Variants in SCN9A observed in about 807,000 individuals in gnomAD.
SCN9A encodes sodium channel protein type 9 subunit alpha.
Under a neutral mutation model 187.0 loss-of-function variants are expected in SCN9A, and 131 were observed. That is an observed-to-expected ratio of 0.70 (90% confidence interval 0.61 to 0.81). SCN9A has a LOEUF of 0.81. Among genes scored for constraint, SCN9A ranks in the 30% least tolerant of loss-of-function variants. The probability of loss-of-function intolerance (pLI) is 0.00; values close to 1 mark genes in which losing one functional copy is unlikely to be tolerated. For missense variants in SCN9A, 2,252 were observed against 2,396.6 expected (o/e 0.94, Z 1.26); for synonymous variants, 809 against 808.6 (o/e 1.00, Z -0.01).
At chr2:166,221,759 G>A (rs1008900059) in intron 24 of SCN9A, among the ~76,000 whole-genome samples, 1 of 151,874 alleles carries the variant, frequency 6.6e-6, no homozygotes, top group African/African-American at 2.4e-5. Context: ...GTATGGTCCT[G>A]GCATAAAACA....
At position 166,330,856 on chromosome 2, in the gene SCN9A, G is replaced by A. The variant is rs190082049; in HGVS notation, c.-50-19050C>T. The stretch of plus-strand genomic sequence containing the variant: ...TGGGCTGCTGCTCACCTCCTGCTGT[G>A]CAGCCTGGTTCCTAACAGGCCATGG... On this transcript the variant is annotated intron_variant, in intron 1 of 26. Transcript: ENST00000642356. 3.0e-3 allele frequency among the ~76,000 whole-genome samples: 453 copies of A among 152,242 alleles called. 1 individual carries two copies. The highest frequency in any genetic ancestry group is 0.01 in the Middle Eastern group (3 of 294).
intron 26 of SCN9A, among the ~76,000 whole-genome samples, chr2:166,203,569 T>C (rs1431951846): frequency 6.6e-6 from 1 of 151,948 alleles, no homozygotes; most frequent in East Asian, 1.9e-4. Flanking sequence ...ATTCTGGCTA[T>C]TAATATTATC....
chr2:166,263,026 G>C (rs1696578918), intron 17 of SCN9A, among the ~76,000 whole-genome samples: 2 of 151,860 alleles, frequency 1.3e-5, no homozygotes, highest in South Asian at 4.2e-4. Context: ...ATCCCTCTTT[G>C]GGCCTTATCG....
rs1694967698 is a variant in SCN9A, at chr2:166,228,960, C to T, written c.3937G>A (p.Ala1313Thr). 2 of 1,612,194 alleles carry T rather than the reference C, an allele frequency of 1.2e-6. No individual in the cohort carries two copies. Among genetic ancestry groups the T allele is most frequent in the Non-Finnish European group, 1.7e-6 (2 of 1,178,496 alleles). ...ATGGAAGGAATTGCTCCTATGAGTG[C>T]ATTCACAACGACCTAGTATTCAAAA... The part of the protein sequence containing the change: ...RFEGMRVVVN[A>T]LIGAIPSIMN... The change falls in exon 22 of 27, where the codon GCA becomes ACA. Residue 1313 changes from alanine to threonine, a missense_variant. By Grantham distance (58) the Ala-to-Thr change is moderately conservative (BLOSUM62 0). Transcript: ENST00000642356.
At chr2:166,246,595 A>G (rs1695800781) in intron 18 of SCN9A, among the ~76,000 whole-genome samples, 1 of 152,084 alleles carries the variant, frequency 6.6e-6, no homozygotes, top group Non-Finnish European at 1.5e-5. Flanking sequence ...ATATTAACTT[A>G]GTGCTTTAGA....
intron 1 of SCN9A, among the ~76,000 whole-genome samples, chr2:166,315,167 C>T (rs1699078249): frequency 6.6e-6 from 1 of 152,164 alleles, no homozygotes; most frequent in Non-Finnish European, 1.5e-5. Context: ...GACGGGATAA[C>T]TTGCCTCACT....
At chr2:166,293,003 G>A (rs759546847) in intron 9 of SCN9A, among the ~76,000 whole-genome samples, 1 of 152,020 alleles carries the variant, frequency 6.6e-6, no homozygotes, top group African/African-American at 2.4e-5. Context: ...TCAGGAAGGC[G>A]AGAGATCTAG....
rs540881534 is a variant in SCN9A at position 166,301,240 on chromosome 2, T to C, written c.901+1850A>G. ...CATAGAGAATTGCAATCTAACTTCA[T>C]ATGTAAACAAATTGCATTCTAATCT... is the stretch of plus-strand genomic sequence containing the variant. On this transcript the variant is annotated intron_variant, in intron 7 of 26. Transcript: ENST00000642356. 1.3e-4 allele frequency: 20 copies of C among 150,898 alleles called. 2 individuals are homozygous for C. The highest frequency in any genetic ancestry group is 4.7e-4 in the African/African-American group (19 of 40,252). The allele number at this position is 150,898 out of a possible 1,614,324, so 9.3% of individuals were successfully genotyped here. A position where few individuals can be genotyped will look rare whatever the true frequency, so the allele number is the denominator to read the frequency against.
chr2:166,322,960 T>A (rs887550666), intron 1 of SCN9A, among the ~76,000 whole-genome samples: 3 of 152,144 alleles, frequency 2.0e-5, no homozygotes, highest in African/African-American at 4.8e-5. Context: ...TACAAGAGTA[T>A]CCCTAGAATG....
chr2:166,362,402 CTGT>C (rs1047064168), intron 1 of SCN9A, among the ~76,000 whole-genome samples: 2 of 151,908 alleles, frequency 1.3e-5, no homozygotes, highest in South Asian at 2.1e-4. Context: ...CATTCTCTTT[CTGT>C]TGTTGTTGTT....
chr2:166,294,428 T>C (rs1698213360), intron 8 of SCN9A, 171 bp downstream of exon 8: 1 of 511,464 alleles, frequency 2.0e-6, no homozygotes, highest in Admixed American at 3.4e-5. Context: ...AGAGTATGCA[T>C]TAACTGTGAA....
At chr2:166,257,119 C>G (rs993004377) in intron 17 of SCN9A, among the ~76,000 whole-genome samples, 1 of 151,578 alleles carries the variant, frequency 6.6e-6, no homozygotes, top group African/African-American at 2.4e-5. Flanking sequence ...TGCTCTGTCA[C>G]AGAACTGCTA....
intron 24 of SCN9A, among the ~76,000 whole-genome samples, chr2:166,217,755 T>C (rs866703511): frequency 6.6e-6 from 1 of 152,178 alleles, no homozygotes; most frequent in East Asian, 1.9e-4. Flanking sequence ...CCCTTATACA[T>C]TGTTAGTGAA....
intron 9 of SCN9A, among the ~76,000 whole-genome samples, chr2:166,292,707 G>A (rs4522621): frequency 0.079 from 12,083 of 152,118 alleles, 597 homozygotes; most frequent in Admixed American, 0.16. Flanking sequence ...ATTACCACTT[G>A]CAATACAAGA....
chr2:166,294,036 G>A (rs959265526), intron 8 of SCN9A, among the ~76,000 whole-genome samples: 1 of 152,178 alleles, frequency 6.6e-6, no homozygotes, highest in Non-Finnish European at 1.5e-5. Flanking sequence ...AGGGGGAAAA[G>A]CAAGAGCTTA....
intron 1 of SCN9A, among the ~76,000 whole-genome samples, chr2:166,339,987 T>C (rs1293183673): frequency 1.3e-5 from 2 of 152,126 alleles, no homozygotes; most frequent in African/African-American, 4.8e-5. Flanking sequence ...CCTATTTCAC[T>C]GGTGAGGAAG....
Position 166,233,336 on chromosome 2 carries a change from T to G in SCN9A, c.3924+4A>C. 6.6e-7 allele frequency: 1 copy of G among 1,523,970 alleles called. No homozygotes were observed. Among genetic ancestry groups the G allele is most frequent in the Non-Finnish European group, 8.7e-7 (1 of 1,143,548 alleles). The allele number at this position is 1,523,970 out of a possible 1,614,324, so 94.4% of individuals were successfully genotyped here. A position where few individuals can be genotyped will look rare whatever the true frequency, so the allele number is the denominator to read the frequency against. Reference sequence around the variant, plus strand: ...GAACATTATAAAGTTTAGTATTTTCTTACCCTCATTCCTTCAAATCTAGAT... The same window carrying G: ...GAACATTATAAAGTTTAGTATTTTCGTACCCTCATTCCTTCAAATCTAGAT... On this transcript the variant is annotated splice_donor_region_variant and intron_variant, in intron 21 of 26. Coordinates refer to ENST00000642356, the MANE Select transcript of SCN9A (RefSeq NM_001365536.1).
chr2:166,359,141 T>G (rs1700220884), intron 1 of SCN9A, among the ~76,000 whole-genome samples: 3 of 152,174 alleles, frequency 2.0e-5, no homozygotes, highest in African/African-American at 7.2e-5. Flanking sequence ...AATTACCCTA[T>G]TTGCATAAAA....
intron 18 of SCN9A, among the ~76,000 whole-genome samples, chr2:166,250,998 T>C (rs73019678): frequency 0.012 from 1,896 of 151,896 alleles, 44 homozygotes; most frequent in African/African-American, 0.043. Flanking sequence ...GTTTTTGTTT[T>C]TGCTTTTCAA....
Sources: gnomAD v4.1 joint callset for allele counts (sites outside exome capture counted in the v4.1 genomes callset) on GRCh38, gnomAD v4.1.1 for gene constraint, MANE v1.5 for transcripts, NCBI Gene and HGNC (gene_info 2026-07-23, HGNC 2026-07-21) for gene names.